Variants in ABLIM3 observed in about 807,000 individuals in gnomAD.
The protein encoded by ABLIM3 is actin-binding LIM protein 3.
Under a neutral mutation model 109.5 loss-of-function variants are expected in ABLIM3, and 61 were observed. The ratio of observed to expected loss-of-function variants is 0.56; its 90% CI spans 0.45 to 0.69. The LOEUF (loss-of-function observed/expected upper bound fraction) is 0.69. Among genes scored for constraint, ABLIM3 ranks in the 30% least tolerant of loss-of-function variants. The pLI, the probability that ABLIM3 is intolerant of heterozygous loss-of-function variation, is 0.00. For synonymous variants in ABLIM3, 300 were observed against 324.8 expected (o/e 0.92, Z 0.82); for missense variants, 796 against 889.5 (o/e 0.89, Z 1.34).
chr5:149,163,756 G>T (rs1211473295), intron 2 of ABLIM3, among the ~76,000 whole-genome samples: 7 of 152,098 alleles, frequency 4.6e-5, no homozygotes, highest in Admixed American at 4.6e-4. Flanking sequence ...ATGTGAATTT[G>T]GGGGGTGAGA....
At chr5:149,189,338 A>T (rs895072032) in intron 3 of ABLIM3, among the ~76,000 whole-genome samples, 2 of 152,240 alleles carry the variant, frequency 1.3e-5, no homozygotes, top group Non-Finnish European at 2.9e-5. Flanking sequence ...CAAGCAACAA[A>T]GAAAAAATAT....
chr5:149,160,457 G>T (rs778428949), intron 2 of ABLIM3, among the ~76,000 whole-genome samples: 1 of 92,196 alleles, frequency 1.1e-5, no homozygotes, highest in South Asian at 3.1e-4. Flanking sequence ...GTGAGACTCC[G>T]TCTCAAAAAA....
intron 9 of ABLIM3, among the ~76,000 whole-genome samples, chr5:149,231,514 C>T (rs901842010): frequency 9.8e-5 from 15 of 152,306 alleles, no homozygotes; most frequent in African/African-American, 3.6e-4. Flanking sequence ...GTCTATCCAA[C>T]TAGAAAAGCA....
chr5:149,213,745 C>T (rs1268414832), intron 7 of ABLIM3, among the ~76,000 whole-genome samples: 3 of 152,082 alleles, frequency 2.0e-5, no homozygotes, highest in Admixed American at 6.5e-5. Flanking sequence ...TCCTCCCAGG[C>T]AGCTGTTGTG....
intron 3 of ABLIM3, among the ~76,000 whole-genome samples, chr5:149,183,913 T>G (rs1172359685): frequency 6.6e-6 from 1 of 151,938 alleles, no homozygotes; most frequent in Non-Finnish European, 1.5e-5. Flanking sequence ...CAAATGAAAG[T>G]GCAAACTATC....
intron 4 of ABLIM3, among the ~76,000 whole-genome samples, chr5:149,199,611 C>T (rs975602395): frequency 2.6e-5 from 4 of 152,230 alleles, no homozygotes; most frequent in Non-Finnish European, 5.9e-5. Flanking sequence ...GACTCTCACC[C>T]TGGTGCTCCC....
intron 23 of ABLIM3, 32 bp downstream of exon 23, chr5:149,252,869 G>T: frequency 1.3e-6 from 2 of 1,573,014 alleles, no homozygotes; most frequent in Non-Finnish European, 1.7e-6. Context: ...GGAGCTCTTG[G>T]GTTGGAAGAA....
intron 3 of ABLIM3, among the ~76,000 whole-genome samples, chr5:149,190,202 G>A (rs1031016736): frequency 6.6e-6 from 1 of 152,162 alleles, no homozygotes; most frequent in Non-Finnish European, 1.5e-5. Context: ...CTAGGGCTGG[G>A]GGTGGTTGGA....
Position 149,200,401 on chromosome 5 carries a change from A to G in ABLIM3, c.421A>G (p.Lys141Glu). The G allele has an allele frequency of 6.2e-7, 1 of 1,614,234 alleles. No homozygotes were observed. The highest frequency in any genetic ancestry group is 8.5e-7 in the Non-Finnish European group (1 of 1,180,036). ...QTCSQSMASSKPIKIRGPSHC... is the reference protein window; with the variant it reads ...QTCSQSMASSEPIKIRGPSHC... ...GTGCTCCCAGTCCATGGCCAGCAGT[A>G]AGCCCATCAAGATTCGTGGACCAAG... The change falls in exon 5 of 24, where the codon AAG (lysine) becomes GAG (glutamate). Residue 141 changes from lysine (K) to glutamate (E), a missense_variant. By Grantham distance (56) the Lys-to-Glu change is moderately conservative. Transcript: ENST00000309868.
At chr5:149,213,500 T>G (rs1371920618) in intron 7 of ABLIM3, among the ~76,000 whole-genome samples, 1 of 151,970 alleles carries the variant, frequency 6.6e-6, no homozygotes, top group Non-Finnish European at 1.5e-5. Context: ...GAAGAGTCGT[T>G]TGTTGGCTTT....
intron 3 of ABLIM3, among the ~76,000 whole-genome samples, chr5:149,188,686 C>T (rs184340752): frequency 3.9e-5 from 6 of 152,266 alleles, no homozygotes; most frequent in Non-Finnish European, 2.9e-5. Context: ...TCATGAGGGC[C>T]CCACCCTTAT....
chr5:149,244,885 T>C lies in ABLIM3; in HGVS notation c.1356T>C (p.Asp452=), dbSNP rs748139861. Residue 452 remains aspartate, a synonymous_variant, in exon 16 of 24, where the codon GAT becomes GAC. Coordinates refer to ENST00000309868, the MANE Select transcript of ABLIM3 (RefSeq NM_014945.5). ...RKPPIYKRHG[D]LSTATKSKTS... ...CTCTCCTTGGGTCCTCTGCAGGTGA[T>C]TTGTCTACAGCAACCAAGAGCAAAA... is the stretch of plus-strand genomic sequence containing the variant. 53 of 1,614,164 alleles carry C rather than the reference T, an allele frequency of 3.3e-5. No individual in the cohort carries two copies. Among genetic ancestry groups the C allele is most frequent in the Non-Finnish European group, 2.8e-5 (33 of 1,180,042 alleles).
chr5:149,189,504 C>T (rs956964089), intron 3 of ABLIM3, among the ~76,000 whole-genome samples: 3 of 152,048 alleles, frequency 2.0e-5, no homozygotes, highest in African/African-American at 7.2e-5. Flanking sequence ...CTTACAATTG[C>T]ATAATAAGAA....
intron 3 of ABLIM3, among the ~76,000 whole-genome samples, chr5:149,189,705 A>G (rs1757300845): frequency 6.6e-6 from 1 of 152,218 alleles, no homozygotes; most frequent in South Asian, 2.1e-4. Flanking sequence ...ATAGATAACT[A>G]GTGTTGATGA....
At position 149,258,386 on chromosome 5, in the gene ABLIM3, GC is replaced by G; in HGVS notation, c.2035del (p.Gln679LysfsTer26). On this transcript the variant is annotated frameshift_variant, in exon 24 of 24. Transcript: ENST00000309868. LOFTEE classifies it high-confidence loss of function. ...TCTGGAAGAGGAATGAACTGAAGAA[GC>G]AAGCCCGGCTGTTCTAGGCAGAGGC... ...ALWKRNELKK[Q>X]ARLF is the part of the protein sequence containing the mutation. The G allele has an allele frequency of 6.2e-7, 1 of 1,614,022 alleles. No individual in the cohort carries two copies. The highest frequency in any genetic ancestry group is 8.5e-7 in the Non-Finnish European group (1 of 1,180,026).
At chr5:149,213,987 G>A (rs544270124) in intron 7 of ABLIM3, among the ~76,000 whole-genome samples, 2 of 150,666 alleles carry the variant, frequency 1.3e-5, no homozygotes, top group East Asian at 2.0e-4. Context: ...TGTATCTACC[G>A]ATACCCACAG....
Position 149,225,976 on chromosome 5 carries a change from GTGTGTGTATA to G in ABLIM3, c.758-4671_758-4662del, listed in dbSNP as rs1399222778. On this transcript the variant is annotated intron_variant, in intron 8 of 23. Transcript: ENST00000309868. ...ATATAATATGTGTGTGTGTGTGTGT[GTGTGTGTATA>G]TATATATATATATATATATATATAT... 1.5e-3 allele frequency among the ~76,000 whole-genome samples: 58 copies of G among 38,486 alleles called. 1 individual carries two copies. Among genetic ancestry groups the G allele is most frequent in the African/African-American group, 3.9e-3 (54 of 14,006 alleles). 25.2% of individuals were successfully genotyped at this position (38,486 alleles called of 152,430 possible). A position where few individuals can be genotyped will look rare whatever the true frequency, so the allele number is the denominator to read the frequency against.
intron 6 of ABLIM3, among the ~76,000 whole-genome samples, chr5:149,208,780 G>C (rs1759264292): frequency 6.6e-6 from 1 of 152,174 alleles, no homozygotes; most frequent in African/African-American, 2.4e-5. Flanking sequence ...AGGGGAAATG[G>C]ATGCTGGCCA....
intron 15 of ABLIM3, 30 bp downstream of exon 15, chr5:149,242,568 A>C: frequency 6.2e-7 from 1 of 1,613,176 alleles, no homozygotes; most frequent in Non-Finnish European, 8.5e-7. Context: ...GGGCTTGGCC[A>C]CACAAGGAGA....
Sources: gnomAD v4.1 joint callset for allele counts (sites outside exome capture counted in the v4.1 genomes callset) on GRCh38, gnomAD v4.1.1 for gene constraint, MANE v1.5 for transcripts, NCBI Gene and HGNC (gene_info 2026-07-23, HGNC 2026-07-21) for gene names.